The following DNAJC15 variants were observed in gnomAD, a reference collection of about 807,000 sequenced individuals.
DNAJC15 encodes the protein dnaJ homolog subfamily C member 15.
In DNAJC15, 27 loss-of-function variants were observed where a neutral mutation model predicts 22.4. That is an observed-to-expected ratio of 1.20 (90% CI 0.89 to 1.66). The LOEUF is 1.66. Ranked by LOEUF, DNAJC15 falls within the 40% of genes most tolerant of loss-of-function variation. The pLI is 0.00. For synonymous variants in DNAJC15, 79 were observed against 63.2 expected, an observed-to-expected ratio of 1.25 and a Z score of -1.19; for missense variants, 208 against 187.1, an observed-to-expected ratio of 1.11 and a Z score of -0.65.
At chr13:43,047,248 C>T (rs923490044) in intron 1 of DNAJC15, among the ~76,000 whole-genome samples, 1 of 152,190 alleles carries the variant, frequency 6.6e-6, no homozygotes, top group Admixed American at 6.5e-5. Context: ...AAAACACAGT[C>T]CCTACCTCCG....
chr13:43,042,416 A>G (rs1028777508), intron 1 of DNAJC15, among the ~76,000 whole-genome samples: 2 of 152,196 alleles, frequency 1.3e-5, no homozygotes, highest in Non-Finnish European at 2.9e-5. Context: ...GAGAAGCAAT[A>G]TAGAGCAGGC....
intron 4 of DNAJC15, among the ~76,000 whole-genome samples, chr13:43,082,637 C>T (rs904531175): frequency 1.3e-5 from 2 of 152,048 alleles, no homozygotes; most frequent in Non-Finnish European, 2.9e-5. Flanking sequence ...GTTGGTGGAC[C>T]TCAGTATGCA....
At chr13:43,078,286 TCAAGGTTATCCAATGAGAAAAGTACTA>T (rs1178887221) in intron 3 of DNAJC15, among the ~76,000 whole-genome samples, 2 of 152,200 alleles carry the variant, frequency 1.3e-5, no homozygotes, top group Non-Finnish European at 2.9e-5. Flanking sequence ...AATGACTTCA[TCAAGGTTATCCAATGAGAAAAGTACTA>T]CAGAGCTTAG....
intron 5 of DNAJC15, among the ~76,000 whole-genome samples, chr13:43,093,829 A>C (rs2040727053): frequency 6.6e-6 from 1 of 152,162 alleles, no homozygotes; most frequent in Non-Finnish European, 1.5e-5. Flanking sequence ...TCCACAATAA[A>C]ATTTTTGAAG....
chr13:43,085,674 C>G (rs1347348032), intron 4 of DNAJC15, 94 bp from the exon 5 acceptor site: 1 of 915,866 alleles, frequency 1.1e-6, no homozygotes, highest in Non-Finnish European at 1.7e-6. Context: ...GTGAAATTCT[C>G]ATTAGGTATA....
At chr13:43,079,569 T>C (rs573332024) in intron 4 of DNAJC15, among the ~76,000 whole-genome samples, 1 of 152,288 alleles carries the variant, frequency 6.6e-6, no homozygotes, top group East Asian at 1.9e-4. Flanking sequence ...GAAATGATTT[T>C]AAGCATGAGG....
chr13:43,040,710 A>C (rs924799720), intron 1 of DNAJC15, among the ~76,000 whole-genome samples: 3 of 152,072 alleles, frequency 2.0e-5, no homozygotes, highest in East Asian at 3.9e-4. Flanking sequence ...GAGTTCCCTT[A>C]GTATTTATTG....
In DNAJC15 at chr13:43,037,587, A is replaced by G. The variant is rs73473957; in HGVS notation, c.108+13853A>G. On this transcript the variant is annotated intron_variant, in intron 1 of 5. Coordinates refer to ENST00000379221, the MANE Select transcript of DNAJC15 (RefSeq NM_013238.3). ...TGTTAAACCCATCTCACCAGGTGAG[A>G]TCTTCCTTTTTCTTTTTTTAATAAC... Among the ~76,000 whole-genome samples the G allele has an allele frequency of 9.6e-3, 1,456 of 152,158 alleles. 24 individuals are homozygous for G. Among genetic ancestry groups the G allele is most frequent in the African/African-American group, 0.034 (1,415 of 41,518 alleles).
chr13:43,032,156 C>T (rs1272401624), intron 1 of DNAJC15, among the ~76,000 whole-genome samples: 3 of 152,170 alleles, frequency 2.0e-5, no homozygotes, highest in African/African-American at 7.2e-5. Context: ...GGCGGTAATA[C>T]CGTGGTTTCT....
intron 4 of DNAJC15, among the ~76,000 whole-genome samples, chr13:43,080,560 A>G (rs2040657212): frequency 6.6e-6 from 1 of 152,248 alleles, no homozygotes; most frequent in Non-Finnish European, 1.5e-5. Flanking sequence ...CTCAATAAAT[A>G]GCAGCCAAGC....
At chr13:43,045,445 C>G (rs911162954) in intron 1 of DNAJC15, among the ~76,000 whole-genome samples, 1 of 152,108 alleles carries the variant, frequency 6.6e-6, no homozygotes, top group South Asian at 2.1e-4. Flanking sequence ...GTCCCTTTTA[C>G]GGGCACACAA....
intron 1 of DNAJC15, 60 bp downstream of exon 1, chr13:43,023,794 C>A: frequency 6.9e-6 from 10 of 1,439,754 alleles, no homozygotes; most frequent in Non-Finnish European, 9.5e-6. Flanking sequence ...TGCTTCAGCC[C>A]CCTCTACCGC....
At chr13:43,029,585 A>G (rs896176201) in intron 1 of DNAJC15, among the ~76,000 whole-genome samples, 1 of 150,340 alleles carries the variant, frequency 6.7e-6, no homozygotes, top group Non-Finnish European at 1.5e-5. Context: ...CTTTTTTCCC[A>G]GTTTTCAGAA....
rs562673970 is a variant in DNAJC15, at chr13:43,066,206, A to C, written c.160+469A>C. 2.6e-5 allele frequency among the ~76,000 whole-genome samples: 4 copies of C among 152,138 alleles called. No homozygotes were observed. The East Asian group carries it at 7.7e-4, about 29-fold the overall frequency. The stretch of plus-strand genomic sequence containing the variant: ...ATAATTACCTTGATAAACCCTGGGG[A>C]ATTTTTTTCACTGCTAAAATTACGT... On this transcript the variant is annotated intron_variant, in intron 2 of 5. Transcript: ENST00000379221.
intron 1 of DNAJC15, among the ~76,000 whole-genome samples, chr13:43,056,953 C>CA (rs1566205966): frequency 6.6e-6 from 1 of 151,944 alleles, no homozygotes; most frequent in Non-Finnish European, 1.5e-5. Context: ...CCTTCTTGAT[C>CA]GTAGGGTTTC....
chr13:43,078,510 C>A, intron 3 of DNAJC15, 102 bp from the exon 4 acceptor site: 2 of 829,096 alleles, frequency 2.4e-6, no homozygotes, highest in Non-Finnish European at 3.6e-6. Flanking sequence ...GAGTTGACTT[C>A]TAGTAAAATG....
chr13:43,024,337 G>GTT (rs376910976), intron 1 of DNAJC15, among the ~76,000 whole-genome samples: 1,380 of 93,328 alleles, frequency 0.015, 23 homozygotes, highest in East Asian at 0.024. Flanking sequence ...GTATTTTTAC[G>GTT]TTTTTTTTTT....
At chr13:43,049,901 GT>G (rs2040495040) in intron 1 of DNAJC15, among the ~76,000 whole-genome samples, 1 of 152,020 alleles carries the variant, frequency 6.6e-6, no homozygotes, top group Non-Finnish European at 1.5e-5. Flanking sequence ...GCCAGTTAAA[GT>G]TTTGTTTGTT....
At chr13:43,070,031 G>A (rs1277626202) in intron 3 of DNAJC15, among the ~76,000 whole-genome samples, 1 of 152,086 alleles carries the variant, frequency 6.6e-6, no homozygotes, top group African/African-American at 2.4e-5. Context: ...AATTTATCAA[G>A]TTCTAGTTCA....
Sources: gnomAD v4.1 joint callset for allele counts (sites outside exome capture counted in the v4.1 genomes callset) on GRCh38, gnomAD v4.1.1 for gene constraint, MANE v1.5 for transcripts, NCBI Gene and HGNC (gene_info 2026-07-23, HGNC 2026-07-21) for gene names.